RUVBL2: variants seen among roughly 807,000 people sequenced by gnomAD.
RUVBL2 encodes the protein ruvB-like 2.
A neutral mutation model predicts 57.9 loss-of-function variants in RUVBL2; 9 were observed. That is an observed-to-expected ratio of 0.16 (90% confidence interval 0.09 to 0.27). RUVBL2 has a LOEUF of 0.27. RUVBL2 is among the 10% of genes least tolerant of loss of function. The pLI is 1.00. For missense variants in RUVBL2, 456 were observed against 669.6 expected (o/e 0.68, Z 3.52); for synonymous variants, 278 against 264.6 (o/e 1.05, Z -0.49).
At chr19:49,003,772 GA>G (rs1045716742) in intron 3 of RUVBL2, among the ~76,000 whole-genome samples, 183 of 134,744 alleles carry the variant, frequency 1.4e-3, no homozygotes, top group Admixed American at 1.6e-3. Context: ...TGACATCTCG[GA>G]AAAAAAAAAA....
intron 1 of RUVBL2, chr19:48,994,354 T>A (rs960289055): frequency 1.5e-5 from 3 of 199,842 alleles, no homozygotes; most frequent in African/African-American, 6.9e-5. Flanking sequence ...ACCTGTTCAG[T>A]GTGTCTGAGA....
intron 6 of RUVBL2, among the ~76,000 whole-genome samples, chr19:49,009,216 CAGTAGCTCACTCCT>C (rs1302341509): frequency 1.5e-5 from 2 of 135,714 alleles, no homozygotes; most frequent in Non-Finnish European, 3.1e-5. Context: ...TCACCAGGCG[CAGTAGCTCACTCCT>C]GTAATCCCAG....
intron 2 of RUVBL2, among the ~76,000 whole-genome samples, chr19:49,000,370 C>T (rs1269126862): frequency 6.6e-6 from 1 of 152,164 alleles, no homozygotes; most frequent in Non-Finnish European, 1.5e-5. Flanking sequence ...GCCTGGCCAA[C>T]ATGGTGAAAC....
upstream of RUVBL2, chr19:48,993,451 T>A (rs1271683680): frequency 1.4e-5 from 6 of 428,562 alleles, no homozygotes; most frequent in Non-Finnish European, 2.2e-5. Flanking sequence ...AGTCGCTGTG[T>A]CCCGGCCCCG....
At chr19:48,999,081 T>A (rs1340818912) in intron 1 of RUVBL2, among the ~76,000 whole-genome samples, 1 of 150,968 alleles carries the variant, frequency 6.6e-6, no homozygotes, top group Admixed American at 6.6e-5. Context: ...TAACCAAATA[T>A]GTGCTGGACC....
intron 8 of RUVBL2, 67 bp downstream of exon 8, chr19:49,010,133 C>G (rs1285498973): frequency 2.9e-6 from 4 of 1,400,928 alleles, no homozygotes; most frequent in Non-Finnish European, 4.0e-6. Flanking sequence ...CTCCATCACC[C>G]CCTTGACCCA....
chr19:49,003,899 GAGCCTA>G (rs1251155951), intron 3 of RUVBL2, among the ~76,000 whole-genome samples: 2 of 151,838 alleles, frequency 1.3e-5, no homozygotes, highest in African/African-American at 4.8e-5. Flanking sequence ...AAGATTGCTT[GAGCCTA>G]AGAGCTTGAG....
chr19:49,003,209 T>C, intron 2 of RUVBL2, 70 bp from the exon 3 acceptor site: 6 of 1,037,574 alleles, frequency 5.8e-6, no homozygotes, highest in Non-Finnish European at 5.7e-6. Context: ...AAACCAGGGC[T>C]CAGAGGGGTC....
chr19:49,009,624 T>C, intron 6 of RUVBL2, 152 bp from the exon 7 acceptor site: 4 of 682,722 alleles, frequency 5.9e-6, no homozygotes, highest in Non-Finnish European at 7.7e-6. Context: ...GCGCACCGTA[T>C]GTCTTCCCTG....
At chr19:49,014,446 A>T (rs768995600) in intron 11 of RUVBL2, 38 bp from the exon 12 acceptor site, 10 of 1,601,956 alleles carry the variant, frequency 6.2e-6, no homozygotes, top group Non-Finnish European at 8.5e-6. Flanking sequence ...AAGAGGGAAC[A>T]TGCCCCTGAC....
At chr19:48,996,469 G>A (rs1169842619) in intron 1 of RUVBL2, among the ~76,000 whole-genome samples, 1 of 150,748 alleles carries the variant, frequency 6.6e-6, no homozygotes, top group African/African-American at 2.5e-5. Flanking sequence ...GGGACTACAG[G>A]TGCGCGTCAC....
intron 13 of RUVBL2, 26 bp from the exon 14 acceptor site, chr19:49,015,546 A>G: frequency 2.6e-6 from 4 of 1,557,636 alleles, no homozygotes; most frequent in Non-Finnish European, 3.5e-6. Flanking sequence ...GAGGGGCCCA[A>G]CTGAGGACTC....
At chr19:49,015,441 A>G (rs774800651) in intron 13 of RUVBL2, 131 bp from the exon 14 acceptor site, 143 of 792,996 alleles carry the variant, frequency 1.8e-4, no homozygotes, top group Non-Finnish European at 2.8e-4. Context: ...AACCCAGGCA[A>G]TCTGGCCCAG....
At chr19:49,010,392 G>A (rs2039390116) in intron 8 of RUVBL2, 96 bp from the exon 9 acceptor site, 1 of 1,233,180 alleles carries the variant, frequency 8.1e-7, no homozygotes, top group East Asian at 2.3e-5. Context: ...CCATTTCCTG[G>A]AGCTCCAGTC....
At chr19:49,004,985 A>C (rs952363378) in intron 4 of RUVBL2, among the ~76,000 whole-genome samples, 3 of 151,696 alleles carry the variant, frequency 2.0e-5, no homozygotes, top group African/African-American at 4.8e-5. Flanking sequence ...AAAAAAAAAA[A>C]CAGGAAAGAA....
chr19:49,010,418 G>T, intron 8 of RUVBL2, 70 bp from the exon 9 acceptor site: 1 of 1,510,534 alleles, frequency 6.6e-7, no homozygotes, highest in Middle Eastern at 1.7e-4. Context: ...CAGACAGAGG[G>T]CTTTAGGGGC....
chr19:48,997,470 C>CA (rs893538842), intron 1 of RUVBL2, among the ~76,000 whole-genome samples: 1 of 151,678 alleles, frequency 6.6e-6, no homozygotes, highest in Non-Finnish European at 1.5e-5. Context: ...CTAAAAAATA[C>CA]AAAAAAATAT....
Position 49,009,976 on chromosome 19 carries a change from C to T in RUVBL2, c.573C>T (p.Asp191=), listed in dbSNP as rs201204755. 528 of 1,599,070 alleles carry T rather than the reference C, an allele frequency of 3.3e-4. No individual in the cohort carries two copies. The African/African-American group carries it at 5.8e-3, about 18-fold the overall frequency. The part of the protein sequence containing the change: ...SLTKDKVQAG[D]VITIDKATGK... ...CCTACCCCCCATCCCCCTGTAGGGA[C>T]GTGATCACCATCGACAAGGCGACGG... The change falls in exon 8 of 15, where the codon GAC becomes GAT. Residue 191 remains aspartate (D), a synonymous_variant. Coordinates refer to ENST00000595090, the MANE Select transcript of RUVBL2 (RefSeq NM_006666.3).
At chr19:49,010,344 C>A in intron 8 of RUVBL2, 144 bp from the exon 9 acceptor site, 1 of 840,134 alleles carries the variant, frequency 1.2e-6, no homozygotes, top group Non-Finnish European at 1.9e-6. Context: ...ACCTCCTGGG[C>A]CTGGGGTTTC....
Sources: allele counts gnomAD v4.1 joint callset (sites outside exome capture counted in the v4.1 genomes callset), GRCh38; gene constraint gnomAD v4.1.1; transcripts MANE v1.5; gene names NCBI Gene and HGNC (gene_info 2026-07-23, HGNC 2026-07-21).